Variants in NAV3 observed in about 807,000 individuals in gnomAD.
The protein encoded by NAV3 is neuron navigator 3.
A neutral mutation model predicts 244.7 loss-of-function variants in NAV3; 87 were observed. The ratio of observed to expected loss-of-function variants is 0.36; its 90% CI spans 0.30 to 0.42. The LOEUF (loss-of-function observed/expected upper bound fraction) is 0.42. NAV3 is among the 20% of genes least tolerant of loss of function. The pLI is 1.00. For synonymous variants in NAV3, 1,126 were observed against 1,042.2 expected (o/e 1.08, Z -1.55); for missense variants, 2,663 against 2,893.3 (o/e 0.92, Z 1.83).
At chr12:77,985,898 C>G (rs1331963287) in intron 5 of NAV3, among the ~76,000 whole-genome samples, 1 of 152,156 alleles carries the variant, frequency 6.6e-6, no homozygotes, top group Non-Finnish European at 1.5e-5. Flanking sequence ...CTCATTTCTT[C>G]CTCACTCTTA....
At chr12:78,088,993 C>A (rs1953781530) in intron 12 of NAV3, among the ~76,000 whole-genome samples, 1 of 152,142 alleles carries the variant, frequency 6.6e-6, no homozygotes, top group South Asian at 2.1e-4. Flanking sequence ...AATAGTTGCT[C>A]ATTGATCTCT....
intron 23 of NAV3, among the ~76,000 whole-genome samples, chr12:78,160,700 A>G (rs1029307789): frequency 3.3e-5 from 5 of 152,246 alleles, no homozygotes; most frequent in African/African-American, 4.8e-5. Flanking sequence ...GAATATTCTT[A>G]TAATTGCCAA....
At chr12:78,032,182 A>G (rs1593331453) in intron 9 of NAV3, among the ~76,000 whole-genome samples, 1 of 152,290 alleles carries the variant, frequency 6.6e-6, no homozygotes, top group East Asian at 1.9e-4. Flanking sequence ...TGCATGACCC[A>G]CAGGATGTAT....
intron 3 of NAV3, among the ~76,000 whole-genome samples, chr12:77,961,575 A>G (rs1380963712): frequency 1.5e-5 from 2 of 136,020 alleles, no homozygotes; most frequent in Non-Finnish European, 1.5e-5. Flanking sequence ...AGTAAATATT[A>G]TATATTATGT....
In NAV3 at chr12:78,122,135, C is replaced by T. The variant is rs2138689847; in HGVS notation, c.3945C>T (p.Pro1315=). 1 of 1,614,164 alleles carries T rather than the reference C, an allele frequency of 6.2e-7. No homozygotes were observed. Among genetic ancestry groups the T allele is most frequent in the South Asian group, 1.1e-5 (1 of 91,082 alleles). Residue 1315 remains proline (P), a synonymous_variant, in exon 16 of 40, where the codon CCC becomes CCT. Transcript: ENST00000397909. ...GCAGCAGCCCTCTCTTCAATAAACC[C>T]TCAGACTTAACTACAGATGTTATAA... is the stretch of plus-strand genomic sequence containing the variant. ...SGSSSPLFNK[P]SDLTTDVISL...
intron 2 of NAV3, among the ~76,000 whole-genome samples, chr12:77,576,007 C>T (rs565739574): frequency 6.6e-6 from 1 of 152,182 alleles, no homozygotes; most frequent in East Asian, 1.9e-4. Flanking sequence ...AAGATTGGTA[C>T]AATCTCAGTT....
chr12:77,883,937 G>T (rs887598438), intron 1 of NAV3, among the ~76,000 whole-genome samples: 5 of 152,080 alleles, frequency 3.3e-5, no homozygotes, highest in Non-Finnish European at 7.4e-5. Flanking sequence ...GAAATGAACT[G>T]TATTTGGCCA....
chr12:77,876,655 A>G lies in NAV3; in HGVS notation c.243+44951A>G, dbSNP rs148566944. On this transcript the variant is annotated intron_variant, in intron 1 of 39. Transcript: ENST00000397909. Reference sequence around the variant, plus strand: ...AAAAACCAAACCCCTATATTTTGAAACAAATGCTTCATTCATATTTCCTAT... The same window carrying G: ...AAAAACCAAACCCCTATATTTTGAAGCAAATGCTTCATTCATATTTCCTAT... 3.2e-4 allele frequency among the ~76,000 whole-genome samples: 48 copies of G among 152,162 alleles called. 1 individual carries two copies. The highest frequency in any genetic ancestry group is 1.1e-3 in the African/African-American group (44 of 41,544).
intron 1 of NAV3, among the ~76,000 whole-genome samples, chr12:77,846,550 TTA>T (rs1258311085): frequency 6.6e-6 from 1 of 152,210 alleles, no homozygotes; most frequent in Non-Finnish European, 1.5e-5. Context: ...GTTACTCGAG[TTA>T]TGAGTCCAAT....
At chr12:78,187,805 T>C (rs1958793287) in intron 31 of NAV3, among the ~76,000 whole-genome samples, 1 of 151,882 alleles carries the variant, frequency 6.6e-6, no homozygotes, top group South Asian at 2.1e-4. Context: ...AAAGGTAAGA[T>C]CACAAAATAG....
intron 2 of NAV3, among the ~76,000 whole-genome samples, chr12:77,703,748 A>G (rs182597455): frequency 3.9e-4 from 60 of 152,266 alleles, no homozygotes; most frequent in African/African-American, 1.4e-3. Flanking sequence ...CAATTCCACA[A>G]AATTAAATTC....
intron 2 of NAV3, among the ~76,000 whole-genome samples, chr12:77,778,247 C>A (rs1232177421): frequency 6.8e-6 from 1 of 147,688 alleles, no homozygotes; most frequent in Admixed American, 6.8e-5. Context: ...TTCCTCCCCC[C>A]CGCCCCCCGT....
At chr12:77,616,922 T>C (rs542650955) in intron 2 of NAV3, among the ~76,000 whole-genome samples, 3 of 152,184 alleles carry the variant, frequency 2.0e-5, no homozygotes, top group Admixed American at 2.0e-4. Flanking sequence ...TTACTGATTA[T>C]TTTAACTTGT....
chr12:77,610,602 G>C (rs1870867969), intron 2 of NAV3, among the ~76,000 whole-genome samples: 1 of 152,070 alleles, frequency 6.6e-6, no homozygotes, highest in South Asian at 2.1e-4. Flanking sequence ...TCACAGAGCT[G>C]TAATTCTGTG....
intron 2 of NAV3, among the ~76,000 whole-genome samples, chr12:77,627,658 C>G (rs987641021): frequency 1.3e-5 from 2 of 152,074 alleles, no homozygotes; most frequent in African/African-American, 4.8e-5. Context: ...AAAATATGAT[C>G]CAGCAATTCC....
Position 78,006,985 on chromosome 12 carries a change from C to A in NAV3, c.1447C>A (p.Pro483Thr), listed in dbSNP as rs1355169814. 1.2e-6 allele frequency: 2 copies of A among 1,614,040 alleles called. No individual in the cohort carries two copies. The highest frequency in any genetic ancestry group is 1.7e-5 in the Admixed American group (1 of 59,984). Residue 483 changes from proline to threonine, a missense_variant, in exon 8 of 40, where the codon CCA (proline) becomes ACA (threonine). Transcript: ENST00000397909. The part of the protein sequence containing the change: ...RDKNKVCTEK[P>T]VKEEKDQVTE... ...CAAAAATAAAGTTTGCACTGAAAAACCAGTCAAAGAAGAGAAGGATCAGGT... is the reference window on the plus strand; with the variant it reads ...CAAAAATAAAGTTTGCACTGAAAAAACAGTCAAAGAAGAGAAGGATCAGGT...
intron 11 of NAV3, 44 bp downstream of exon 11, chr12:78,051,191 G>A (rs2137267001): frequency 6.4e-7 from 1 of 1,565,300 alleles, no homozygotes; most frequent in South Asian, 1.2e-5. Context: ...AAGAGGGGAG[G>A]TGGTCTACTA....
intron 1 of NAV3, among the ~76,000 whole-genome samples, chr12:77,900,288 G>A (rs1464191795): frequency 1.3e-5 from 2 of 152,038 alleles, no homozygotes; most frequent in African/African-American, 4.8e-5. Context: ...ATGTTAGCCA[G>A]GATGGTCTCG....
chr12:77,831,749 C>T (rs374575676), intron 1 of NAV3, 45 bp downstream of exon 1: 40 of 1,543,560 alleles, frequency 2.6e-5, no homozygotes, highest in Non-Finnish European at 3.3e-5. Context: ...CTAAAATGCA[C>T]ATTTCTCTTT....
Sources: allele counts gnomAD v4.1 joint callset (sites outside exome capture counted in the v4.1 genomes callset), GRCh38; gene constraint gnomAD v4.1.1; transcripts MANE v1.5; gene names NCBI Gene and HGNC (gene_info 2026-07-23, HGNC 2026-07-21).